The following TRIP11 variants were observed in gnomAD, a reference collection of about 807,000 sequenced individuals.
TRIP11 encodes the protein thyroid receptor-interacting protein 11.
In TRIP11, 148 loss-of-function variants were observed where a neutral mutation model predicts 223.1. That is an observed-to-expected ratio of 0.66 (90% CI 0.58 to 0.76). TRIP11 has a LOEUF of 0.76. TRIP11 is among the 30% of genes least tolerant of loss of function. TRIP11 has a pLI of 0.00. For missense variants in TRIP11, 2,043 were observed against 2,222.0 expected (o/e 0.92, Z 1.62); for synonymous variants, 762 against 772.6 (o/e 0.99, Z 0.23).
At position 92,006,109 on chromosome 14, in the gene TRIP11, T is replaced by A; in HGVS notation, c.1867A>T (p.Ile623Leu). The A allele has an allele frequency of 1.9e-6, 3 of 1,607,184 alleles. No individual in the cohort carries two copies. Residue 623 changes from isoleucine (I) to leucine (L), a missense_variant, in exon 11 of 21, where the codon ATA becomes TTA. By Grantham distance (5) the Ile-to-Leu change is conservative. Transcript: ENST00000267622. ...IRQNEEELSR[I>L]RNELMQSLNQ... ...AGAGACTGCATTAACTCATTCCTTA[T>A]TCTAGAAAGCTCCTCCTCATTTTGT...
intron 1 of TRIP11, among the ~76,000 whole-genome samples, chr14:92,038,629 T>TG (rs1555390021): frequency 6.8e-6 from 1 of 148,092 alleles, no homozygotes; most frequent in Non-Finnish European, 1.5e-5. Context: ...AATTAGCAAT[T>TG]AAAAAAAAAA....
chr14:91,994,537 C>T (rs1428756316), intron 14 of TRIP11, among the ~76,000 whole-genome samples: 1 of 152,200 alleles, frequency 6.6e-6, no homozygotes, highest in Non-Finnish European at 1.5e-5. Flanking sequence ...AGCCACCGTG[C>T]CCGGCAAGAA....
chr14:91,998,704 A>C (rs532776031), intron 13 of TRIP11, among the ~76,000 whole-genome samples: 49 of 149,870 alleles, frequency 3.3e-4, no homozygotes, highest in African/African-American at 1.0e-3. Flanking sequence ...AAAAAAAAAA[A>C]CAAGAAAAAA....
rs1253280962 is a variant in TRIP11 at position 92,001,626 on chromosome 14, GGA to G, written c.4558-1520_4558-1519del. 5.3e-5 allele frequency among the ~76,000 whole-genome samples: 8 copies of G among 152,236 alleles called. No individual in the cohort carries two copies. In the East Asian group the frequency reaches 1.5e-3, roughly 29 times the overall value. On this transcript the variant is annotated intron_variant, in intron 11 of 20. Coordinates refer to ENST00000267622, the MANE Select transcript of TRIP11 (RefSeq NM_004239.4). ...ACTTAGGGAAGCTTCCTAAAAGTGA[GGA>G]GAGTGTTAATAATATCTGCACACTT...
rs971539503 is a variant in TRIP11 at position 91,967,402 on chromosome 14, G to T, written c.*2271C>A. 5.5e-6 allele frequency: 1 copy of T among 180,518 alleles called. No individual in the cohort carries two copies. The highest frequency in any genetic ancestry group is 2.4e-5 in the African/African-American group (1 of 42,300). 11.2% of individuals were successfully genotyped at this position (180,518 alleles called of 1,614,324 possible). A position where few individuals can be genotyped will look rare whatever the true frequency, so the allele number is the denominator to read the frequency against. On this transcript the variant is annotated 3_prime_UTR_variant, in exon 21 of 21. Coordinates refer to ENST00000267622, the MANE Select transcript of TRIP11 (RefSeq NM_004239.4). ...GATCCACCCACCTCACCCTCCCAAA[G>T]TTCTGGGATTACAGGCGTGAGCCAC...
At chr14:91,987,755 C>G (rs1349063654) in intron 16 of TRIP11, among the ~76,000 whole-genome samples, 1 of 152,144 alleles carries the variant, frequency 6.6e-6, no homozygotes, top group Non-Finnish European at 1.5e-5. Context: ...AATTAATAAT[C>G]CTAAGCATAG....
chr14:92,001,903 A>C (rs936831881), intron 11 of TRIP11, among the ~76,000 whole-genome samples: 2 of 152,204 alleles, frequency 1.3e-5, no homozygotes, highest in African/African-American at 4.8e-5. Context: ...TAACACTGAT[A>C]ATCAGTGTGC....
intron 15 of TRIP11, among the ~76,000 whole-genome samples, chr14:91,993,209 G>A (rs1333882503): frequency 7.2e-5 from 11 of 151,850 alleles, no homozygotes; most frequent in African/African-American, 2.7e-4. Context: ...AGGCGCAGTG[G>A]CTCTCACCTG....
At chr14:92,027,012 A>C in intron 2 of TRIP11, 1 of 650,960 alleles carries the variant, frequency 1.5e-6, no homozygotes, top group South Asian at 1.7e-5. Context: ...CACCGTGGGC[A>C]GTGCCACCAG....
intron 4 of TRIP11, among the ~76,000 whole-genome samples, chr14:92,020,793 C>T (rs1312773309): frequency 6.6e-6 from 1 of 152,042 alleles, no homozygotes; most frequent in Non-Finnish European, 1.5e-5. Flanking sequence ...GCAGAGAGGC[C>T]AGGCGCAGTG....
intron 10 of TRIP11, 144 bp downstream of exon 10, chr14:92,007,496 C>T (rs991915000): frequency 2.5e-5 from 21 of 853,096 alleles, no homozygotes; most frequent in Middle Eastern, 3.4e-4. Context: ...GCCTACAAGG[C>T]CAATGATATT....
At position 91,984,333 on chromosome 14, in the gene TRIP11, T is replaced by G. The variant is rs74466620; in HGVS notation, c.5260+3951A>C. Among the ~76,000 whole-genome samples the G allele has an allele frequency of 8.4e-3, 1,124 of 134,406 alleles. 5 individuals carry two copies. Among genetic ancestry groups the G allele is most frequent in the Non-Finnish European group, 0.014 (844 of 60,448 alleles). The allele number at this position is 134,406 out of a possible 152,430, so 88.2% of individuals were successfully genotyped here. A position where few individuals can be genotyped will look rare whatever the true frequency, so the allele number is the denominator to read the frequency against. On this transcript the variant is annotated intron_variant, in intron 16 of 20. Transcript: ENST00000267622. The stretch of plus-strand genomic sequence containing the variant: ...TTTTCTTTTCTTTTTTTTTTTTTTT[T>G]GGGACCAAGTTTCACTCTGTTGCCC...
chr14:91,990,859 G>C (rs961825755), intron 15 of TRIP11, among the ~76,000 whole-genome samples: 6 of 152,194 alleles, frequency 3.9e-5, no homozygotes, highest in African/African-American at 1.4e-4. Context: ...CAGTTCCACA[G>C]ACTGTATACT....
At chr14:91,990,266 A>G (rs1469436070) in intron 15 of TRIP11, among the ~76,000 whole-genome samples, 1 of 152,188 alleles carries the variant, frequency 6.6e-6, no homozygotes, top group Non-Finnish European at 1.5e-5. Context: ...AAACTTTCAA[A>G]TGATTTTTTT....
Position 92,004,860 on chromosome 14 carries a change from T to C in TRIP11, c.3116A>G (p.Asn1039Ser), listed in dbSNP as rs1480582562. The change falls in exon 11 of 21, where the codon AAT (asparagine) becomes AGT (serine). Residue 1039 changes from asparagine to serine, a missense_variant. Physicochemically the swap from Asn to Ser is conservative, Grantham distance 46. Coordinates refer to ENST00000267622, the MANE Select transcript of TRIP11 (RefSeq NM_004239.4). ...ELEIKLLNEKNISLTKQIDQL... is the reference protein window; with the variant it reads ...ELEIKLLNEKSISLTKQIDQL... ...ATCAATCTGTTTAGTTAAAGATATA[T>C]TCTTTTCATTTAGAAGTTTAATCTC... The C allele has an allele frequency of 1.2e-6, 2 of 1,613,762 alleles. No individual in the cohort carries two copies. Among genetic ancestry groups the C allele is most frequent in the Non-Finnish European group, 1.7e-6 (2 of 1,179,974 alleles).
At position 92,033,283 on chromosome 14, in the gene TRIP11, T is replaced by G. The variant is rs1595414142; in HGVS notation, c.140-30A>C. The G allele has an allele frequency of 6.0e-6, 9 of 1,497,832 alleles. No individual in the cohort carries two copies. In the East Asian group the frequency reaches 2.0e-4, roughly 34 times the overall value. The allele number at this position is 1,497,832 out of a possible 1,614,324, so 92.8% of individuals were successfully genotyped here. On this transcript the variant is annotated intron_variant, in intron 1 of 20. Transcript: ENST00000267622. Reference sequence around the variant, plus strand: ...AAGAGAAATAACAAATATTGAATATTTAATCAATACCATATGAAGTAATAA... The same window carrying G: ...AAGAGAAATAACAAATATTGAATATGTAATCAATACCATATGAAGTAATAA...
intron 1 of TRIP11, among the ~76,000 whole-genome samples, chr14:92,034,296 G>T (rs1296302939): frequency 6.6e-6 from 1 of 152,100 alleles, no homozygotes; most frequent in East Asian, 1.9e-4. Flanking sequence ...GGTGGCACAC[G>T]CCTGTAATCC....
intron 16 of TRIP11, among the ~76,000 whole-genome samples, chr14:91,982,514 C>T (rs894291231): frequency 3.9e-5 from 6 of 152,128 alleles, no homozygotes; most frequent in African/African-American, 1.4e-4. Context: ...GGGTACTATG[C>T]TCACTACCTG....
intron 1 of TRIP11, 40 bp downstream of exon 1, chr14:92,039,507 G>A: frequency 6.2e-7 from 1 of 1,609,022 alleles, no homozygotes; most frequent in Non-Finnish European, 8.5e-7. Context: ...CGTTCCCAGG[G>A]TCTTAGAAAA....
Sources: allele counts gnomAD v4.1 joint callset (sites outside exome capture counted in the v4.1 genomes callset), GRCh38; gene constraint gnomAD v4.1.1; transcripts MANE v1.5; gene names NCBI Gene and HGNC (gene_info 2026-07-23, HGNC 2026-07-21).